SH3D19: variants seen among roughly 807,000 people sequenced by gnomAD.
The protein encoded by SH3D19 is SH3 domain containing 19.
Under a neutral mutation model 112.1 loss-of-function variants are expected in SH3D19, and 58 were observed. The ratio of observed to expected loss-of-function variants is 0.52; its 90% confidence interval spans 0.42 to 0.64. SH3D19 has a LOEUF of 0.64. Ranked by LOEUF, SH3D19 falls within the 30% of genes least tolerant of loss-of-function variation. The pLI is 0.00. For missense variants in SH3D19, 1,090 were observed against 1,263.4 expected (o/e 0.86, Z 2.08); for synonymous variants, 391 against 448.5 (o/e 0.87, Z 1.62).
Position 151,133,194 on chromosome 4 carries a change from C to A in SH3D19, c.2529G>T (p.Gln843His), listed in dbSNP as rs184665843. The change falls in exon 16 of 20, where the codon CAG becomes CAT. Residue 843 changes from glutamine (Q) to histidine (H), a missense_variant. Physicochemically the swap from Gln to His is conservative, Grantham distance 24. Coordinates refer to ENST00000604030, the MANE Select transcript of SH3D19 (RefSeq NM_001378122.1). The stretch of plus-strand genomic sequence containing the variant: ...CCTCTGAGAAACTCAACTCATCCTT[C>A]TGCTCTCCAATATATTCAAACCGAG... ...CVARFEYIGE[Q>H]KDELSFSEGE... The A allele has an allele frequency of 6.2e-7, 1 of 1,614,154 alleles. No individual in the cohort carries two copies. Among genetic ancestry groups the A allele is most frequent in the South Asian group, 1.1e-5 (1 of 91,086 alleles).
chr4:151,264,794 CT>C (rs1259391018), intron 1 of SH3D19, among the ~76,000 whole-genome samples: 1 of 151,728 alleles, frequency 6.6e-6, no homozygotes, highest in East Asian at 1.9e-4. Context: ...TCTTTTTTTC[CT>C]TTTTTTCTGA....
chr4:151,310,520 C>T (rs1264386350), intron 1 of SH3D19, among the ~76,000 whole-genome samples: 2 of 151,890 alleles, frequency 1.3e-5, no homozygotes, highest in East Asian at 1.9e-4. Flanking sequence ...AATAGAACTA[C>T]CATTCAGCCA....
intron 8 of SH3D19, 108 bp downstream of exon 8, chr4:151,165,481 C>T: frequency 1.2e-6 from 1 of 832,922 alleles, no homozygotes; most frequent in Non-Finnish European, 1.9e-6. Context: ...ATAGCTTTGA[C>T]TATGAATGGC....
At chr4:151,312,547 T>C (rs1729560223) in intron 1 of SH3D19, among the ~76,000 whole-genome samples, 1 of 152,142 alleles carries the variant, frequency 6.6e-6, no homozygotes, top group Non-Finnish European at 1.5e-5. Context: ...CTGAGGGCCT[T>C]GTTGCTCAAA....
chr4:151,178,706 T>C (rs898480585), intron 4 of SH3D19, among the ~76,000 whole-genome samples: 3 of 152,170 alleles, frequency 2.0e-5, no homozygotes, highest in African/African-American at 7.2e-5. Flanking sequence ...TCCTTCATTA[T>C]TCTATACTAT....
At chr4:151,136,174 G>T (rs1751814174) in intron 14 of SH3D19, among the ~76,000 whole-genome samples, 3 of 152,060 alleles carry the variant, frequency 2.0e-5, no homozygotes, top group Admixed American at 2.0e-4. Flanking sequence ...TTGAGACAGG[G>T]TCTCACTCTG....
chr4:151,204,293 G>A (rs890278858), intron 2 of SH3D19, among the ~76,000 whole-genome samples: 3 of 152,144 alleles, frequency 2.0e-5, no homozygotes, highest in Non-Finnish European at 4.4e-5. Flanking sequence ...CCATTCACAG[G>A]ACTCACCACT....
rs113584974 is a variant in SH3D19, at chr4:151,286,982, A to AAATAATAATAATAAT, written c.112+38244_112+38258dup. On this transcript the variant is annotated intron_variant, in intron 1 of 19. Coordinates refer to ENST00000604030, the MANE Select transcript of SH3D19 (RefSeq NM_001378122.1). ...GTGACAGAGTGAGATTCTGTCTCAAAAATAATAATAATAATAATAATAATA... is the reference window on the plus strand; with the variant it reads ...GTGACAGAGTGAGATTCTGTCTCAAAAATAATAATAATAATAATAATAATAATAATAATAATAATA... 4.7e-3 allele frequency among the ~76,000 whole-genome samples: 670 copies of AAATAATAATAATAAT among 141,820 alleles called. 7 individuals carry two copies. The highest frequency in any genetic ancestry group is 0.016 in the African/African-American group (613 of 38,224). The allele number at this position is 141,820 out of a possible 152,430, so 93.0% of individuals were successfully genotyped here.
chr4:151,144,176 A>T (rs753971412), intron 11 of SH3D19, 126 bp from the exon 12 acceptor site: 2 of 1,465,902 alleles, frequency 1.4e-6, no homozygotes, highest in Non-Finnish European at 1.9e-6. Flanking sequence ...GAGGCCAGTA[A>T]TTTTTTTTTT....
At chr4:151,324,607 G>A (rs1475389513) in intron 1 of SH3D19, among the ~76,000 whole-genome samples, 2 of 152,154 alleles carry the variant, frequency 1.3e-5, no homozygotes, top group Non-Finnish European at 2.9e-5. Flanking sequence ...CCGCTTTTGT[G>A]TACCCAAAAC....
intron 2 of SH3D19, among the ~76,000 whole-genome samples, chr4:151,211,902 C>A (rs1054037466): frequency 3.3e-5 from 5 of 152,214 alleles, no homozygotes; most frequent in Non-Finnish European, 7.3e-5. Context: ...GTTGCAAGTG[C>A]TGATGGAAAA....
chr4:151,230,510 C>A (rs898472325), intron 1 of SH3D19, among the ~76,000 whole-genome samples: 1 of 151,730 alleles, frequency 6.6e-6, no homozygotes, highest in Non-Finnish European at 1.5e-5. Flanking sequence ...TGAAATCATT[C>A]TTTGAAATTA....
intron 1 of SH3D19, among the ~76,000 whole-genome samples, chr4:151,314,424 CT>C (rs1162478741): frequency 1.3e-5 from 2 of 152,164 alleles, no homozygotes; most frequent in Non-Finnish European, 2.9e-5. Context: ...CATAATGAGC[CT>C]GCAGAGTAGT....
chr4:151,150,683 T>C (rs1198749351), intron 9 of SH3D19, among the ~76,000 whole-genome samples: 1 of 151,838 alleles, frequency 6.6e-6, no homozygotes, highest in East Asian at 1.9e-4. Flanking sequence ...TGAAGGAGAA[T>C]AATATGAACA....
chr4:151,278,348 A>T (rs1242484186), intron 1 of SH3D19, among the ~76,000 whole-genome samples: 1 of 151,884 alleles, frequency 6.6e-6, no homozygotes, highest in Non-Finnish European at 1.5e-5. Context: ...AGCCCACTGC[A>T]ACCTCAGACT....
intron 13 of SH3D19, among the ~76,000 whole-genome samples, chr4:151,138,396 T>C (rs1752276428): frequency 1.3e-5 from 2 of 152,112 alleles, no homozygotes; most frequent in South Asian, 4.1e-4. Flanking sequence ...TAAAAATTAT[T>C]ACAAAAGTAC....
intron 1 of SH3D19, among the ~76,000 whole-genome samples, chr4:151,289,129 A>G (rs1775089840): frequency 6.6e-6 from 1 of 152,250 alleles, no homozygotes; most frequent in South Asian, 2.1e-4. Context: ...AATCAGTTCA[A>G]TGAACAAATA....
chr4:151,305,156 G>C (rs1400251421), intron 1 of SH3D19, among the ~76,000 whole-genome samples: 1 of 152,184 alleles, frequency 6.6e-6, no homozygotes, highest in Non-Finnish European at 1.5e-5. Context: ...AGAAGAATCT[G>C]ATTTCCAGAG....
chr4:151,203,519 G>A (rs528948698), intron 2 of SH3D19, among the ~76,000 whole-genome samples: 5 of 152,172 alleles, frequency 3.3e-5, no homozygotes, highest in Middle Eastern at 3.4e-3. Context: ...TCATGATTAC[G>A]GACCATGGCT....
Sources: gnomAD v4.1 joint callset for allele counts (sites outside exome capture counted in the v4.1 genomes callset) on GRCh38, gnomAD v4.1.1 for gene constraint, MANE v1.5 for transcripts, NCBI Gene and HGNC (gene_info 2026-07-23, HGNC 2026-07-21) for gene names.